FRYL: variants seen among roughly 807,000 people sequenced by gnomAD.
FRYL encodes the protein protein furry homolog-like.
A neutral mutation model predicts 351.2 loss-of-function variants in FRYL; 150 were observed. That is an observed-to-expected ratio of 0.43 (90% CI 0.37 to 0.49). FRYL has a LOEUF of 0.49. Among genes scored for constraint, FRYL ranks in the 20% least tolerant of loss-of-function variants. FRYL has a pLI of 0.00. For synonymous variants in FRYL, 1,153 were observed against 1,257.1 expected, an observed-to-expected ratio of 0.92 and a Z score of 1.75; for missense variants, 3,036 against 3,619.3, an observed-to-expected ratio of 0.84 and a Z score of 4.13.
chr4:48,629,413 A>G (rs764632487), intron 4 of FRYL, among the ~76,000 whole-genome samples: 75 of 152,212 alleles, frequency 4.9e-4, no homozygotes, highest in Middle Eastern at 6.8e-3. Context: ...TCACCAAACA[A>G]CGGTGACTCC....
chr4:48,719,747 G>T (rs1258175706), intron 1 of FRYL, among the ~76,000 whole-genome samples: 1 of 151,590 alleles, frequency 6.6e-6, no homozygotes, highest in Non-Finnish European at 1.5e-5. Flanking sequence ...CATGATGCAA[G>T]AACAACCACC....
At chr4:48,631,441 C>CATTATT (rs377595565) in intron 4 of FRYL, among the ~76,000 whole-genome samples, 57 of 151,556 alleles carry the variant, frequency 3.8e-4, no homozygotes, top group East Asian at 1.5e-3. Flanking sequence ...AGAATGAAAA[C>CATTATT]ATTATTATTA....
rs967791273 is a variant in FRYL, at chr4:48,586,799, A to G, written c.1641-71T>C. 53 of 1,028,802 alleles carry G rather than the reference A, an allele frequency of 5.2e-5. 1 individual carries two copies. Among genetic ancestry groups the G allele is most frequent in the Non-Finnish European group, 1.4e-5 (10 of 690,626 alleles). The allele number at this position is 1,028,802 out of a possible 1,614,324, so 63.7% of individuals were successfully genotyped here. A position where few individuals can be genotyped will look rare whatever the true frequency, so the allele number is the denominator to read the frequency against. On this transcript the variant is annotated intron_variant, in intron 18 of 63. Transcript: ENST00000358350. ...AGACAATGAAATCAAACTTGGAAAA[A>G]TAACTACAGAAAGTGCGAGTCCTCC... is the stretch of plus-strand genomic sequence containing the variant.
At chr4:48,671,015 G>A (rs774966458) in intron 3 of FRYL, among the ~76,000 whole-genome samples, 71 of 152,162 alleles carry the variant, frequency 4.7e-4, no homozygotes, top group Admixed American at 2.0e-3. Flanking sequence ...GATTTCTGAG[G>A]AACCTCCGTA....
Position 48,606,499 on chromosome 4 carries a change from T to A in FRYL, c.680A>T (p.Lys227Ile). 1 of 1,612,714 alleles carries A rather than the reference T, an allele frequency of 6.2e-7. No individual in the cohort carries two copies. Residue 227 changes from lysine (K) to isoleucine (I), a missense_variant, in exon 10 of 64, where the codon AAA (lysine) becomes ATA (isoleucine). Lys to Ile is a moderately radical substitution (Grantham distance 102). Around this residue, in one of 7 missense-constraint regions of FRYL, gnomAD observed 457 missense variants for 566.6 expected, o/e 0.81. Transcript: ENST00000358350. Reference protein sequence around the residue: ...QSVISLIMGMKFFRVKMYPVE... With the variant: ...QSVISLIMGMIFFRVKMYPVE... ...AGGATACATTTTTACTCGAAAAAAT[T>A]TCATTCCCATTATTAAGCTGATGAC...
chr4:48,756,434 C>T (rs899654466), intron 1 of FRYL, among the ~76,000 whole-genome samples: 1 of 152,110 alleles, frequency 6.6e-6, no homozygotes, highest in African/African-American at 2.4e-5. Flanking sequence ...TCCTGTGATA[C>T]CTACTGTCTC....
At chr4:48,534,753 C>T in intron 48 of FRYL, 68 bp from the exon 49 acceptor site, 2 of 960,248 alleles carry the variant, frequency 2.1e-6, no homozygotes, top group East Asian at 2.6e-5. Context: ...TCAATATTTA[C>T]ATTTGACAGG....
chr4:48,499,248 C>T lies in FRYL; in HGVS notation c.*174G>A. The T allele has an allele frequency of 1.7e-6, 1 of 592,000 alleles. No individual in the cohort carries two copies. The highest frequency in any genetic ancestry group is 3.0e-6 in the Non-Finnish European group (1 of 337,084). The allele number at this position is 592,000 out of a possible 1,614,324, so 36.7% of individuals were successfully genotyped here. On this transcript the variant is annotated 3_prime_UTR_variant, in exon 64 of 64. Coordinates refer to ENST00000358350, the MANE Select transcript of FRYL (RefSeq NM_015030.2). ...GAGATATTGGCAGCTGTTAAAATAT[C>T]AGATGTTTTTTTCTTTCAGATCTTT...
intron 35 of FRYL, 45 bp from the exon 36 acceptor site, chr4:48,553,428 A>G: frequency 2.1e-6 from 3 of 1,416,434 alleles, no homozygotes; most frequent in Non-Finnish European, 3.0e-6. Context: ...CAAAGTTTTT[A>G]TCTCATTAAT....
chr4:48,515,505 C>T (rs1442518896), intron 55 of FRYL, among the ~76,000 whole-genome samples: 1 of 151,992 alleles, frequency 6.6e-6, no homozygotes, highest in Non-Finnish European at 1.5e-5. Flanking sequence ...ATACTTAGGA[C>T]TACAGGCACA....
chr4:48,513,945 G>A (rs1723003857), intron 56 of FRYL, among the ~76,000 whole-genome samples: 1 of 152,176 alleles, frequency 6.6e-6, no homozygotes, highest in Non-Finnish European at 1.5e-5. Context: ...ACTTGTGCAT[G>A]ATTAATGATT....
intron 7 of FRYL, among the ~76,000 whole-genome samples, chr4:48,612,497 C>CGTGTGTGTGTGT (rs10657991): frequency 4.0e-5 from 6 of 150,078 alleles, no homozygotes; most frequent in Non-Finnish European, 5.9e-5. Context: ...TGTGTGTGCA[C>CGTGTGTGTGTGT]GTGTGTGTGT....
In FRYL at chr4:48,542,028, GAGA is replaced by G. The variant is rs749802492; in HGVS notation, c.5683_5685del (p.Ser1895del). On this transcript the variant is annotated inframe_deletion and splice_region_variant, in exon 45 of 64. Transcript: ENST00000358350. ...AGGTTGCCTGGTTTAAATTCTTACT[GAGA>G]AAGGGCAGAAAGAAGATCATAATGC... 1 of 1,608,648 alleles carries G rather than the reference GAGA, an allele frequency of 6.2e-7. No homozygotes were observed. Among genetic ancestry groups the G allele is most frequent in the Non-Finnish European group, 8.5e-7 (1 of 1,175,096 alleles).
chr4:48,573,993 T>C (rs1283634272), intron 25 of FRYL, among the ~76,000 whole-genome samples: 2 of 152,220 alleles, frequency 1.3e-5, no homozygotes, highest in African/African-American at 2.4e-5. Flanking sequence ...AATTTTCTCT[T>C]ACTAAAAATA....
chr4:48,695,436 G>T (rs1307067745), intron 2 of FRYL, among the ~76,000 whole-genome samples: 1 of 151,934 alleles, frequency 6.6e-6, no homozygotes, highest in Non-Finnish European at 1.5e-5. Context: ...ATGCTACTAT[G>T]TATCATTTGA....
intron 31 of FRYL, 79 bp from the exon 32 acceptor site, chr4:48,563,067 G>T: frequency 1.1e-6 from 1 of 932,166 alleles, no homozygotes; most frequent in Non-Finnish European, 1.7e-6. Flanking sequence ...GATATGCAAA[G>T]GGCAAGGCTT....
chr4:48,579,225 C>A lies in FRYL; in HGVS notation c.2276G>T (p.Cys759Phe). The A allele has an allele frequency of 6.2e-7, 1 of 1,611,688 alleles. No individual in the cohort carries two copies. The highest frequency in any genetic ancestry group is 8.5e-7 in the Non-Finnish European group (1 of 1,178,964). ...TGADQTTLLY[C>F]PSSIDLQTLA... ...AGTTTGTAAATCTATCGAGCTAGGGCAATAGAGCAAAGTAGTCTATATGGA... is the reference window on the plus strand; with the variant it reads ...AGTTTGTAAATCTATCGAGCTAGGGAAATAGAGCAAAGTAGTCTATATGGA... Residue 759 changes from cysteine to phenylalanine, a missense_variant, in exon 23 of 64, where the codon TGC becomes TTC. By Grantham distance (205) the Cys-to-Phe change is radical. Transcript: ENST00000358350.
chr4:48,547,785 G>A lies in FRYL; in HGVS notation c.4889-16C>T. The A allele has an allele frequency of 1.4e-6, 2 of 1,400,530 alleles. No homozygotes were observed. The highest frequency in any genetic ancestry group is 1.9e-6 in the Non-Finnish European group (2 of 1,056,926). 86.8% of individuals were successfully genotyped at this position (1,400,530 alleles called of 1,614,324 possible). A position where few individuals can be genotyped will look rare whatever the true frequency, so the allele number is the denominator to read the frequency against. ...TGGTCAAACCCTAAAAAGGATAGTA[G>A]AGAAACATTATCAATAAAGAGAAAT... On this transcript the variant is annotated splice_polypyrimidine_tract_variant and intron_variant, in intron 40 of 63. Transcript: ENST00000358350.
chr4:48,768,675 C>T (rs1275188211), intron 1 of FRYL, among the ~76,000 whole-genome samples: 3 of 151,872 alleles, frequency 2.0e-5, no homozygotes, highest in Non-Finnish European at 2.9e-5. Flanking sequence ...TGGTGGCGGG[C>T]GCCTGTAATC....
Sources: gnomAD v4.1 joint callset for allele counts (sites outside exome capture counted in the v4.1 genomes callset) on GRCh38, gnomAD v4.1.1 for gene constraint, gnomAD v4.1.1 regional missense constraint, MANE v1.5 for transcripts, NCBI Gene and HGNC (gene_info 2026-07-23, HGNC 2026-07-21) for gene names.